The following CHST9 variants were observed in gnomAD, a reference collection of about 807,000 sequenced individuals.
The protein encoded by CHST9 is carbohydrate sulfotransferase 9, also known as GalNAc-4-sulfotransferase 2.
A neutral mutation model predicts 44.4 loss-of-function variants in CHST9; 41 were observed. The ratio of observed to expected loss-of-function variants is 0.92; its 90% confidence interval spans 0.72 to 1.20. The LOEUF (loss-of-function observed/expected upper bound fraction) is 1.20. Among genes scored for constraint, CHST9 ranks in the 50% most tolerant of loss-of-function variants. CHST9 has a pLI of 0.00. For synonymous variants in CHST9, 171 were observed against 178.4 expected (o/e 0.96, Z 0.33); for missense variants, 504 against 516.5 (o/e 0.98, Z 0.23).
chr18:27,073,012 C>T (rs2057858221), intron 2 of CHST9, among the ~76,000 whole-genome samples: 1 of 152,108 alleles, frequency 6.6e-6, no homozygotes, highest in Non-Finnish European at 1.5e-5. Context: ...GTTTGTTTGC[C>T]CGCTGAAATT....
chr18:27,046,487 G>A (rs1484216507), intron 3 of CHST9, among the ~76,000 whole-genome samples: 1 of 151,984 alleles, frequency 6.6e-6, no homozygotes, highest in Non-Finnish European at 1.5e-5. Flanking sequence ...ACAAGAGGGT[G>A]CAGGGTATAT....
At chr18:26,966,933 G>A (rs959029166) in intron 4 of CHST9, among the ~76,000 whole-genome samples, 6 of 146,002 alleles carry the variant, frequency 4.1e-5, no homozygotes, top group Non-Finnish European at 1.5e-5. Flanking sequence ...TCTGGAAATT[G>A]ACATGATTTC....
At chr18:27,106,357 T>C (rs1378166234) in intron 2 of CHST9, among the ~76,000 whole-genome samples, 1 of 152,208 alleles carries the variant, frequency 6.6e-6, no homozygotes, top group Non-Finnish European at 1.5e-5. Flanking sequence ...TTTCCCGTCT[T>C]AATGATTAGC....
chr18:27,093,201 C>G (rs8083235), intron 2 of CHST9, among the ~76,000 whole-genome samples: 49,110 of 152,148 alleles, frequency 0.32, 8,637 homozygotes, highest in Non-Finnish European at 0.4. Flanking sequence ...ACACAGGGAT[C>G]AGGGACCCAC....
chr18:27,079,630 A>G (rs188434345), intron 2 of CHST9, among the ~76,000 whole-genome samples: 1 of 152,318 alleles, frequency 6.6e-6, no homozygotes, highest in African/African-American at 2.4e-5. Context: ...TAAACATCAT[A>G]TTAGTTTTCT....
intron 2 of CHST9, among the ~76,000 whole-genome samples, chr18:27,089,999 G>T (rs994596422): frequency 2.0e-5 from 3 of 152,010 alleles, no homozygotes; most frequent in African/African-American, 7.2e-5. Context: ...TTTTAGTAGA[G>T]ATGGGGTTGC....
chr18:27,112,665 G>A (rs2058282940), intron 2 of CHST9, among the ~76,000 whole-genome samples: 1 of 148,654 alleles, frequency 6.7e-6, no homozygotes, highest in South Asian at 2.1e-4. Flanking sequence ...CTGTTTTCTT[G>A]GAAAACTTTA....
intron 4 of CHST9, 90 bp from the exon 5 acceptor site, chr18:26,944,456 T>C: frequency 1.1e-6 from 1 of 888,588 alleles, no homozygotes; most frequent in Non-Finnish European, 1.8e-6. Flanking sequence ...AGTAAACACT[T>C]CCAAAGTGGT....
chr18:27,171,498 T>A (rs1225594405), intron 1 of CHST9, among the ~76,000 whole-genome samples: 4 of 152,174 alleles, frequency 2.6e-5, no homozygotes, highest in Non-Finnish European at 5.9e-5. Flanking sequence ...AACCAAAATC[T>A]AAAATGAGGA....
chr18:27,079,016 T>C (rs772299461), intron 2 of CHST9, among the ~76,000 whole-genome samples: 2 of 152,176 alleles, frequency 1.3e-5, no homozygotes, highest in Non-Finnish European at 2.9e-5. Flanking sequence ...ATGAGCAATG[T>C]CCTGTGCATG....
intron 2 of CHST9, among the ~76,000 whole-genome samples, chr18:27,073,792 T>C (rs1263612728): frequency 6.6e-6 from 1 of 152,120 alleles, no homozygotes; most frequent in Non-Finnish European, 1.5e-5. Context: ...TTAAACAGTA[T>C]TTTGCTTACT....
chr18:27,028,594 C>T (rs941066267), intron 3 of CHST9, among the ~76,000 whole-genome samples: 2 of 152,006 alleles, frequency 1.3e-5, no homozygotes, highest in African/African-American at 2.4e-5. Context: ...GTCGCCCAGG[C>T]TGGAGTGCAG....
chr18:26,984,002 C>A (rs2056724661), intron 4 of CHST9, among the ~76,000 whole-genome samples: 3 of 152,134 alleles, frequency 2.0e-5, no homozygotes, highest in Non-Finnish European at 2.9e-5. Context: ...GGTTTTCAAC[C>A]CCTTTACCAG....
intron 1 of CHST9, among the ~76,000 whole-genome samples, chr18:27,180,757 T>A (rs916426294): frequency 1.3e-5 from 2 of 152,134 alleles, no homozygotes; most frequent in Non-Finnish European, 2.9e-5. Flanking sequence ...CAGGAATAAA[T>A]TACTTTTAAG....
chr18:27,153,000 T>C (rs1158040013), intron 1 of CHST9, among the ~76,000 whole-genome samples: 1 of 152,144 alleles, frequency 6.6e-6, no homozygotes, highest in Non-Finnish European at 1.5e-5. Flanking sequence ...ATAAAGACCA[T>C]GATTGGGATC....
intron 5 of CHST9, among the ~76,000 whole-genome samples, chr18:26,938,653 GA>G (rs1193612413): frequency 1.3e-5 from 2 of 152,166 alleles, no homozygotes; most frequent in African/African-American, 4.8e-5. Context: ...TACATTAGAG[GA>G]AAGAATCAGG....
intron 2 of CHST9, among the ~76,000 whole-genome samples, chr18:27,139,590 T>A (rs1186041066): frequency 6.6e-6 from 1 of 152,064 alleles, no homozygotes; most frequent in Non-Finnish European, 1.5e-5. Flanking sequence ...AGGCAGAACT[T>A]CAGATGGAAG....
Position 27,178,609 on chromosome 18 carries a change from T to G in CHST9, c.-97+6527A>C, listed in dbSNP as rs73944539. On this transcript the variant is annotated intron_variant, in intron 1 of 5. Coordinates refer to ENST00000618847, the MANE Select transcript of CHST9 (RefSeq NM_031422.6). ...TACACCCTCCTGTATGTTGTATATA[T>G]GAGTAATCTTCAAAACCCTCTAATC... Among the ~76,000 whole-genome samples the G allele has an allele frequency of 3.3e-3, 498 of 152,122 alleles. 2 individuals are homozygous for G. The highest frequency in any genetic ancestry group is 0.012 in the African/African-American group (485 of 41,546).
At chr18:27,115,057 A>C (rs2058308406) in intron 2 of CHST9, among the ~76,000 whole-genome samples, 1 of 151,814 alleles carries the variant, frequency 6.6e-6, no homozygotes, top group African/African-American at 2.4e-5. Context: ...CCCTGCTTGC[A>C]CTCACTCTGT....
Sources: allele counts gnomAD v4.1 joint callset (sites outside exome capture counted in the v4.1 genomes callset), GRCh38; gene constraint gnomAD v4.1.1; transcripts MANE v1.5; gene names NCBI Gene and HGNC (gene_info 2026-07-23, HGNC 2026-07-21).